Variants in COL22A1 observed in about 807,000 individuals in gnomAD.
The protein encoded by COL22A1 is collagen type XXII alpha 1 chain, also known as collagen alpha-1(XXII) chain.
In COL22A1, 221 loss-of-function variants were observed where a neutral mutation model predicts 248.9. That is an observed-to-expected ratio of 0.89 (90% CI 0.80 to 0.99). The LOEUF (loss-of-function observed/expected upper bound fraction) is 0.99. Among genes scored for constraint, COL22A1 ranks in the 50% least tolerant of loss-of-function variants. The probability of loss-of-function intolerance (pLI) is 0.00; values close to 1 mark genes in which losing one functional copy is unlikely to be tolerated. For synonymous variants in COL22A1, 891 were observed against 793.4 expected (o/e 1.12, Z -2.07); for missense variants, 2,240 against 2,179.0 (o/e 1.03, Z -0.56).
At chr8:138,869,293 C>T (rs999629187) in intron 3 of COL22A1, among the ~76,000 whole-genome samples, 3 of 152,174 alleles carry the variant, frequency 2.0e-5, no homozygotes, top group Non-Finnish European at 4.4e-5. Flanking sequence ...TGCAAGAAAC[C>T]GTACCCTGGA....
chr8:138,731,416 G>A (rs1021709244), intron 23 of COL22A1, among the ~76,000 whole-genome samples: 4 of 152,244 alleles, frequency 2.6e-5, no homozygotes, highest in Admixed American at 6.5e-5. Flanking sequence ...GGCAGCCAGC[G>A]CCAGCACTGG....
At chr8:138,725,321 C>G (rs1830214224) in intron 24 of COL22A1, 66 bp downstream of exon 24, 2 of 1,505,024 alleles carry the variant, frequency 1.3e-6, no homozygotes, top group African/African-American at 1.4e-5. Context: ...CAAAGATGTC[C>G]CCAGGTCCCA....
At position 138,748,640 on chromosome 8, in the gene COL22A1, C is replaced by A. The variant is rs560477972; in HGVS notation, c.2085+2818G>T. Among the ~76,000 whole-genome samples, 9 of 152,254 alleles carry A rather than the reference C, an allele frequency of 5.9e-5. 1 individual carries two copies. The South Asian group carries it at 1.7e-3, about 28-fold the overall frequency. On this transcript the variant is annotated intron_variant, in intron 22 of 64. Coordinates refer to ENST00000303045, the MANE Select transcript of COL22A1 (RefSeq NM_152888.3). ...TCATCACTGCACCCCAACCCCTCAC[C>A]CTGTTTGCTTCTCTGGATCTCCTTG...
chr8:138,666,071 A>G (rs1488632550), intron 41 of COL22A1, among the ~76,000 whole-genome samples: 3 of 152,222 alleles, frequency 2.0e-5, no homozygotes, highest in Non-Finnish European at 4.4e-5. Context: ...ACACACAATG[A>G]TCATGACTAA....
At chr8:138,760,343 G>T in intron 17 of COL22A1, 56 bp from the exon 18 acceptor site, 1 of 1,512,228 alleles carries the variant, frequency 6.6e-7, no homozygotes. Flanking sequence ...ACGGTGGTGG[G>T]GTGTTGGGGA....
At chr8:138,630,830 A>G (rs1820660442) in intron 49 of COL22A1, 82 bp from the exon 50 acceptor site, 5 of 1,181,160 alleles carry the variant, frequency 4.2e-6, no homozygotes, top group Non-Finnish European at 5.0e-6. Flanking sequence ...ATACAAAGCA[A>G]TTGATATGGT....
intron 18 of COL22A1, 137 bp downstream of exon 18, chr8:138,760,106 G>A: frequency 1.9e-6 from 1 of 519,498 alleles, no homozygotes; most frequent in Non-Finnish European, 3.2e-6. Flanking sequence ...TGATGCCCCA[G>A]CCACCACCCT....
Position 138,747,048 on chromosome 8 carries a change from G to A in COL22A1, c.2085+4410C>T, listed in dbSNP as rs73719346. On this transcript the variant is annotated intron_variant, in intron 22 of 64. Coordinates refer to ENST00000303045, the MANE Select transcript of COL22A1 (RefSeq NM_152888.3). The stretch of plus-strand genomic sequence containing the variant: ...CTGGAACCTGACATTATTTGATGCA[G>A]CTTCAAGAAGCAGTGTTCATAGATT... 5.1e-3 allele frequency among the ~76,000 whole-genome samples: 771 copies of A among 152,302 alleles called. 11 individuals are homozygous for A. The highest frequency in any genetic ancestry group is 0.016 in the African/African-American group (668 of 41,572).
At chr8:138,622,090 T>C (rs1452747886) in intron 52 of COL22A1, among the ~76,000 whole-genome samples, 1 of 152,212 alleles carries the variant, frequency 6.6e-6, no homozygotes, top group Non-Finnish European at 1.5e-5. Context: ...CCAAACAAAT[T>C]AAATGGAACA....
At chr8:138,749,256 G>A (rs918539219) in intron 22 of COL22A1, among the ~76,000 whole-genome samples, 1 of 152,166 alleles carries the variant, frequency 6.6e-6, no homozygotes, top group Non-Finnish European at 1.5e-5. Context: ...TCAGCAGCAT[G>A]AAAATGAACT....
At chr8:138,761,322 C>G (rs562572871) in intron 17 of COL22A1, among the ~76,000 whole-genome samples, 1 of 152,170 alleles carries the variant, frequency 6.6e-6, no homozygotes, top group African/African-American at 2.4e-5. Context: ...GTCAATAAAT[C>G]GTGGTACATT....
intron 40 of COL22A1, among the ~76,000 whole-genome samples, chr8:138,678,858 C>T (rs1383183017): frequency 6.6e-6 from 1 of 152,126 alleles, no homozygotes; most frequent in Non-Finnish European, 1.5e-5. Context: ...CATTTAAAAA[C>T]AACTATATAA....
chr8:138,886,678 C>T (rs1239137131), intron 1 of COL22A1, among the ~76,000 whole-genome samples: 1 of 152,120 alleles, frequency 6.6e-6, no homozygotes, highest in Non-Finnish European at 1.5e-5. Context: ...GTATTAAGAG[C>T]CTGTTTCAAG....
intron 1 of COL22A1, among the ~76,000 whole-genome samples, chr8:138,897,225 C>T (rs551454451): frequency 1.3e-5 from 2 of 152,024 alleles, no homozygotes; most frequent in Non-Finnish European, 2.9e-5. Context: ...CCTTACTACC[C>T]TCCCTGCACT....
chr8:138,659,052 T>A (rs1440474974), intron 44 of COL22A1, among the ~76,000 whole-genome samples: 2 of 152,148 alleles, frequency 1.3e-5, no homozygotes, highest in Non-Finnish European at 2.9e-5. Context: ...GAACCCCCGC[T>A]TGACTTCTGG....
In COL22A1 at chr8:138,694,809, G is replaced by T; in HGVS notation, c.2646+17C>A. ...AGGTAACCAGCCCTGCGGGGGAAGG[G>T]GACACAAGAGACTCACCGGTTCCCC... On this transcript the variant is annotated intron_variant, in intron 33 of 64. Transcript: ENST00000303045. 1 of 1,613,480 alleles carries T rather than the reference G, an allele frequency of 6.2e-7. No homozygotes were observed. The highest frequency in any genetic ancestry group is 1.3e-5 in the African/African-American group (1 of 75,014).
chr8:138,592,164 C>A (rs901310582), intron 63 of COL22A1, among the ~76,000 whole-genome samples: 1 of 152,300 alleles, frequency 6.6e-6, no homozygotes, highest in South Asian at 2.1e-4. Flanking sequence ...TAAATGCCAT[C>A]ATAGGAATTT....
At chr8:138,608,609 G>A (rs1818603896) in intron 56 of COL22A1, among the ~76,000 whole-genome samples, 1 of 152,158 alleles carries the variant, frequency 6.6e-6, no homozygotes, top group African/African-American at 2.4e-5. Flanking sequence ...GAGATATATT[G>A]TGCACATTCA....
chr8:138,653,554 A>C (rs1822946017), intron 45 of COL22A1, among the ~76,000 whole-genome samples: 1 of 152,136 alleles, frequency 6.6e-6, no homozygotes, highest in Admixed American at 6.6e-5. Flanking sequence ...AGGATTTAAT[A>C]ATATAATATT....
Sources: allele counts gnomAD v4.1 joint callset (sites outside exome capture counted in the v4.1 genomes callset), GRCh38; gene constraint gnomAD v4.1.1; transcripts MANE v1.5; gene names NCBI Gene and HGNC (gene_info 2026-07-23, HGNC 2026-07-21).